The following KMT2C variants were observed in gnomAD, a reference collection of about 807,000 sequenced individuals.
KMT2C encodes the protein histone-lysine N-methyltransferase 2C.
A neutral mutation model predicts 507.9 loss-of-function variants in KMT2C; 88 were observed. The ratio of observed to expected loss-of-function variants is 0.17; its 90% CI spans 0.15 to 0.21. The LOEUF (loss-of-function observed/expected upper bound fraction) is 0.21, where lower values mean the gene tolerates loss of function less well. Ranked by LOEUF, KMT2C falls within the 10% of genes least tolerant of loss-of-function variation. The pLI is 1.00. For synonymous variants in KMT2C, 2,049 were observed against 2,080.8 expected, an observed-to-expected ratio of 0.98 and a Z score of 0.42; for missense variants, 4,954 against 5,957.8, an observed-to-expected ratio of 0.83 and a Z score of 5.55.
intron 1 of KMT2C, among the ~76,000 whole-genome samples, chr7:152,424,432 TGAGA>T (rs1316240532): frequency 6.6e-6 from 1 of 152,262 alleles, no homozygotes; most frequent in East Asian, 1.9e-4. Flanking sequence ...TTTTTGTGTG[TGAGA>T]GAGAGAAACA....
At chr7:152,190,591 CT>C (rs1006355348) in intron 31 of KMT2C, among the ~76,000 whole-genome samples, 28 of 149,214 alleles carry the variant, frequency 1.9e-4, no homozygotes, top group Admixed American at 1.3e-3. Flanking sequence ...AAGAAGTGGT[CT>C]TTTTTTTTTC....
intron 6 of KMT2C, among the ~76,000 whole-genome samples, chr7:152,307,195 G>GAGGGAGGA (rs1449535751): frequency 0.022 from 1,427 of 64,716 alleles, 8 homozygotes; most frequent in East Asian, 0.034. Flanking sequence ...AAAGAAGAGG[G>GAGGGAGGA]AGGAAGGAAG....
chr7:152,140,926 C>G (rs928970885), intron 55 of KMT2C, among the ~76,000 whole-genome samples: 1 of 152,122 alleles, frequency 6.6e-6, no homozygotes, highest in African/African-American at 2.4e-5. Context: ...TAAGAATAAA[C>G]AAGATCAGTG....
At chr7:152,418,534 G>A (rs1017226305) in intron 1 of KMT2C, among the ~76,000 whole-genome samples, 9 of 151,982 alleles carry the variant, frequency 5.9e-5, no homozygotes, top group African/African-American at 1.4e-4. Flanking sequence ...GGATTCCAGC[G>A]ATTCTCCTGC....
intron 46 of KMT2C, 65 bp from the exon 47 acceptor site, chr7:152,154,510 C>T: frequency 7.2e-7 from 1 of 1,391,542 alleles, no homozygotes; most frequent in South Asian, 1.2e-5. Context: ...CCTGTACCAA[C>T]CCTGCTGACA....
intron 46 of KMT2C, 23 bp downstream of exon 46, chr7:152,155,887 T>C (rs759606800): frequency 6.4e-7 from 1 of 1,573,778 alleles, no homozygotes. Context: ...CTAAGAATTA[T>C]TTGAGAAAAA....
intron 27 of KMT2C, among the ~76,000 whole-genome samples, chr7:152,196,332 G>C (rs1430850089): frequency 6.6e-6 from 1 of 152,206 alleles, no homozygotes; most frequent in Non-Finnish European, 1.5e-5. Context: ...CATTAAGAAA[G>C]TGGCATGTCT....
chr7:152,357,379 C>T (rs1191256561), intron 2 of KMT2C, among the ~76,000 whole-genome samples: 3 of 152,006 alleles, frequency 2.0e-5, no homozygotes, highest in Non-Finnish European at 4.4e-5. Flanking sequence ...AAAAAATTAG[C>T]TGGGTGTGGT....
chr7:152,139,806 G>A lies in KMT2C; in HGVS notation c.14344-15C>T, dbSNP rs888520634. ...AGGCCCAGCCCCTAAAAAAAAGTGTGTACATACTTCCAATTTATGTGACAA... is the reference window on the plus strand; with the variant it reads ...AGGCCCAGCCCCTAAAAAAAAGTGTATACATACTTCCAATTTATGTGACAA... On this transcript the variant is annotated splice_polypyrimidine_tract_variant and intron_variant, in intron 55 of 58. Transcript: ENST00000262189. 6.4e-7 allele frequency: 1 copy of A among 1,561,154 alleles called. No individual in the cohort carries two copies. The highest frequency in any genetic ancestry group is 8.8e-7 in the Non-Finnish European group (1 of 1,134,172).
chr7:152,330,755 C>G lies in KMT2C; in HGVS notation c.251-16G>C, dbSNP rs1303361693. On this transcript the variant is annotated splice_polypyrimidine_tract_variant and intron_variant, in intron 2 of 58. Transcript: ENST00000262189. The stretch of plus-strand genomic sequence containing the variant: ...TCTTTGATTTCTGCTTAACAGTAAA[C>G]AAGAGAAAACAAAGAGTCATTTTTG... 6.2e-7 allele frequency: 1 copy of G among 1,610,944 alleles called. No individual in the cohort carries two copies. Among genetic ancestry groups the G allele is most frequent in the Non-Finnish European group, 8.5e-7 (1 of 1,178,082 alleles).
chr7:152,297,427 T>C (rs1322092005), intron 6 of KMT2C, among the ~76,000 whole-genome samples: 1 of 152,086 alleles, frequency 6.6e-6, no homozygotes, highest in African/African-American at 2.4e-5. Flanking sequence ...AGATAACTGA[T>C]CAGCATATGC....
intron 6 of KMT2C, among the ~76,000 whole-genome samples, chr7:152,290,466 T>C (rs1032833065): frequency 6.6e-6 from 1 of 150,574 alleles, no homozygotes; most frequent in Non-Finnish European, 1.5e-5. Flanking sequence ...CCTGCTACCA[T>C]GCCCGGCTGA....
At chr7:152,252,180 A>G in intron 10 of KMT2C, 90 bp from the exon 11 acceptor site, 1 of 926,486 alleles carries the variant, frequency 1.1e-6, no homozygotes. Flanking sequence ...CTGGATATGA[A>G]AACAGTTAAT....
At chr7:152,427,850 CT>C (rs1175683025) in intron 1 of KMT2C, among the ~76,000 whole-genome samples, 3 of 152,160 alleles carry the variant, frequency 2.0e-5, no homozygotes, top group African/African-American at 7.2e-5. Flanking sequence ...ATTTGGATGC[CT>C]GCTACAACAT....
At chr7:152,366,091 T>C (rs1013424027) in intron 1 of KMT2C, among the ~76,000 whole-genome samples, 4 of 152,208 alleles carry the variant, frequency 2.6e-5, no homozygotes, top group Middle Eastern at 3.4e-3. Context: ...AAAAAAAGAA[T>C]AACAAATGTT....
At chr7:152,373,482 AAAT>A (rs1251288241) in intron 1 of KMT2C, among the ~76,000 whole-genome samples, 5 of 152,350 alleles carry the variant, frequency 3.3e-5, no homozygotes, top group Admixed American at 3.3e-4. Flanking sequence ...CCACTGAACA[AAAT>A]AATAAAATTT....
chr7:152,384,391 C>G (rs112994641), intron 1 of KMT2C, among the ~76,000 whole-genome samples: 1 of 151,512 alleles, frequency 6.6e-6, no homozygotes, highest in Non-Finnish European at 1.5e-5. Flanking sequence ...CATCTCAGAG[C>G]CTTTGCACAT....
chr7:152,425,099 A>G (rs899906367), intron 1 of KMT2C, among the ~76,000 whole-genome samples: 3 of 152,210 alleles, frequency 2.0e-5, no homozygotes, highest in African/African-American at 7.2e-5. Flanking sequence ...ACACCAATAC[A>G]GTAGACTACC....
In KMT2C at chr7:152,222,726, T is replaced by C. The variant is rs754243162; in HGVS notation, c.3324-44A>G. The stretch of plus-strand genomic sequence containing the variant: ...TACATTTTTTTTAAAAAATGGAATA[T>C]ACTGAGAACTGCTACCTTTTAAAAC... On this transcript the variant is annotated intron_variant, in intron 20 of 58. Coordinates refer to ENST00000262189, the MANE Select transcript of KMT2C (RefSeq NM_170606.3). The C allele has an allele frequency of 6.6e-6, 7 of 1,062,890 alleles. No individual in the cohort carries two copies. In the East Asian group the frequency reaches 1.5e-4, roughly 23 times the overall value. The allele number at this position is 1,062,890 out of a possible 1,614,324, so 65.8% of individuals were successfully genotyped here. A position where few individuals can be genotyped will look rare whatever the true frequency, so the allele number is the denominator to read the frequency against.
Sources: allele counts gnomAD v4.1 joint callset (sites outside exome capture counted in the v4.1 genomes callset), GRCh38; gene constraint gnomAD v4.1.1; transcripts MANE v1.5; gene names NCBI Gene and HGNC (gene_info 2026-07-23, HGNC 2026-07-21).